Variants in CDH18 observed in about 807,000 individuals in gnomAD.
The protein encoded by CDH18 is cadherin 18, also known as cadherin-18.
CDH18 carries 31 observed loss-of-function variants against 67.9 expected under a neutral mutation model. That is an observed-to-expected ratio of 0.46 (90% CI 0.34 to 0.62). CDH18 has a LOEUF of 0.62. Among genes scored for constraint, CDH18 ranks in the 20% least tolerant of loss-of-function variants. The pLI, the probability that CDH18 is intolerant of heterozygous loss-of-function variation, is 0.01. For synonymous variants in CDH18, 362 were observed against 347.2 expected (o/e 1.04, Z -0.48); for missense variants, 890 against 975.5 (o/e 0.91, Z 1.17).
chr5:19,619,151 C>T (rs1002380996), intron 5 of CDH18, among the ~76,000 whole-genome samples: 5 of 152,132 alleles, frequency 3.3e-5, no homozygotes, highest in Admixed American at 1.3e-4. Context: ...TTAACGGATG[C>T]ATATCCATCA....
chr5:20,097,725 G>T (rs1407193942), intron 2 of CDH18, among the ~76,000 whole-genome samples: 1 of 152,056 alleles, frequency 6.6e-6, no homozygotes, highest in Non-Finnish European at 1.5e-5. Flanking sequence ...TTTGTATGTT[G>T]TGATAATTAA....
At chr5:20,094,419 T>G (rs570104386) in intron 2 of CDH18, among the ~76,000 whole-genome samples, 1 of 152,222 alleles carries the variant, frequency 6.6e-6, no homozygotes, top group Non-Finnish European at 1.5e-5. Context: ...TTTGTTCTTT[T>G]TGCTTAGGAT....
intron 2 of CDH18, among the ~76,000 whole-genome samples, chr5:20,078,561 A>T (rs960429129): frequency 6.6e-6 from 1 of 151,904 alleles, no homozygotes; most frequent in African/African-American, 2.4e-5. Context: ...AATAGATTAG[A>T]GAAAACTTAA....
chr5:19,476,936 T>C (rs1232308254), intron 12 of CDH18, among the ~76,000 whole-genome samples: 4 of 151,848 alleles, frequency 2.6e-5, no homozygotes, highest in Non-Finnish European at 5.9e-5. Flanking sequence ...TGGCATATAG[T>C]TTCTATTTCT....
At chr5:20,525,249 C>G (rs1191508933) in intron 1 of CDH18, among the ~76,000 whole-genome samples, 2 of 152,106 alleles carry the variant, frequency 1.3e-5, no homozygotes, top group East Asian at 3.9e-4. Context: ...CTGAGATGCT[C>G]TTTTTGAGAA....
At chr5:19,945,884 A>G (rs1005872816) in intron 2 of CDH18, among the ~76,000 whole-genome samples, 5 of 152,096 alleles carry the variant, frequency 3.3e-5, no homozygotes, top group Admixed American at 6.6e-5. Flanking sequence ...GACAACACAA[A>G]AAGATCTAAT....
intron 5 of CDH18, among the ~76,000 whole-genome samples, chr5:19,636,784 A>C (rs1358621185): frequency 6.6e-6 from 1 of 152,140 alleles, no homozygotes; most frequent in Non-Finnish European, 1.5e-5. Context: ...TTAGCAAAAA[A>C]AAAATGCCTT....
In CDH18 at chr5:19,635,745, C is replaced by A. The variant is rs190302135; in HGVS notation, c.644-23144G>T. ...GGTATCCATTTATATATTTTACTTT[C>A]TTTAGTTACAAACTGTTTCTAAACA... On this transcript the variant is annotated intron_variant, in intron 5 of 12. Coordinates refer to ENST00000382275, the MANE Select transcript of CDH18 (RefSeq NM_004934.5). 4.2e-3 allele frequency among the ~76,000 whole-genome samples: 636 copies of A among 152,130 alleles called. 6 individuals are homozygous for A. Among genetic ancestry groups the A allele is most frequent in the African/African-American group, 0.015 (614 of 41,502 alleles).
chr5:19,723,533 G>T (rs1766388294), intron 4 of CDH18, among the ~76,000 whole-genome samples: 1 of 152,074 alleles, frequency 6.6e-6, no homozygotes, highest in South Asian at 2.1e-4. Flanking sequence ...GTCTAAAAGA[G>T]ATTTCAAATT....
At chr5:19,975,154 T>C (rs1006080660) in intron 2 of CDH18, among the ~76,000 whole-genome samples, 3 of 152,104 alleles carry the variant, frequency 2.0e-5, no homozygotes, top group African/African-American at 7.2e-5. Context: ...ATTAACTAAA[T>C]CAATAAGTTA....
intron 2 of CDH18, among the ~76,000 whole-genome samples, chr5:19,957,195 C>G (rs1796334881): frequency 6.6e-6 from 1 of 151,840 alleles, no homozygotes; most frequent in Non-Finnish European, 1.5e-5. Flanking sequence ...TCTGGAGAAT[C>G]TGTTTTATTT....
chr5:20,508,820 T>C (rs1561077400), intron 1 of CDH18, among the ~76,000 whole-genome samples: 1 of 152,098 alleles, frequency 6.6e-6, no homozygotes. Context: ...TAAACTATAT[T>C]ATATGAATTT....
At chr5:19,475,925 C>T (rs1738389871) in intron 12 of CDH18, among the ~76,000 whole-genome samples, 1 of 152,040 alleles carries the variant, frequency 6.6e-6, no homozygotes, top group South Asian at 2.1e-4. Flanking sequence ...TCACTTTTAT[C>T]ATTATGGTTA....
At chr5:20,221,712 C>A (rs1203150711) in intron 2 of CDH18, among the ~76,000 whole-genome samples, 1 of 152,016 alleles carries the variant, frequency 6.6e-6, no homozygotes, top group Admixed American at 6.6e-5. Context: ...ATGCCTGTAT[C>A]AAAGTATCTC....
At chr5:20,261,876 A>G (rs1353091839) in intron 1 of CDH18, among the ~76,000 whole-genome samples, 1 of 152,214 alleles carries the variant, frequency 6.6e-6, no homozygotes, top group Non-Finnish European at 1.5e-5. Context: ...TATAATTAGA[A>G]TGCAATGAAT....
At chr5:20,402,908 G>GA (rs780021853) in intron 1 of CDH18, among the ~76,000 whole-genome samples, 53 of 148,314 alleles carry the variant, frequency 3.6e-4, no homozygotes, top group Non-Finnish European at 5.6e-4. Context: ...CCTTCATCTT[G>GA]AAAAAAAACA....
rs10585212 is a variant in CDH18 at position 19,615,152 on chromosome 5, GAA to G, written c.644-2553_644-2552del. On this transcript the variant is annotated intron_variant, in intron 5 of 12. Transcript: ENST00000382275. ...CAGAGGGAGACTCCATCTCAAAAAA[GAA>G]AAAAAAAAAAAATCATAACGCTCTC... 9.9e-3 allele frequency among the ~76,000 whole-genome samples: 1,434 copies of G among 144,424 alleles called. 10 individuals are homozygous for G. Among genetic ancestry groups the G allele is most frequent in the South Asian group, 0.017 (76 of 4,558 alleles). 94.7% of individuals were successfully genotyped at this position (144,424 alleles called of 152,430 possible). A position where few individuals can be genotyped will look rare whatever the true frequency, so the allele number is the denominator to read the frequency against.
chr5:19,573,989 T>C (rs945178694), intron 7 of CDH18, among the ~76,000 whole-genome samples: 1 of 152,234 alleles, frequency 6.6e-6, no homozygotes, highest in Non-Finnish European at 1.5e-5. Context: ...TTTCTAGGAA[T>C]GCTTAACATT....
At chr5:20,460,918 G>A (rs965605186) in intron 1 of CDH18, among the ~76,000 whole-genome samples, 6 of 152,046 alleles carry the variant, frequency 3.9e-5, no homozygotes, top group Admixed American at 1.3e-4. Context: ...TACATAATTC[G>A]TACTGCAACT....
Sources: allele counts gnomAD v4.1 joint callset (sites outside exome capture counted in the v4.1 genomes callset), GRCh38; gene constraint gnomAD v4.1.1; transcripts MANE v1.5; gene names NCBI Gene and HGNC (gene_info 2026-07-23, HGNC 2026-07-21).